Variants in RPTOR observed in about 807,000 individuals in gnomAD.
The protein encoded by RPTOR is regulatory associated protein of MTOR complex 1, also known as regulatory-associated protein of mTOR.
A neutral mutation model predicts 169.9 loss-of-function variants in RPTOR; 21 were observed. The ratio of observed to expected loss-of-function variants is 0.12; its 90% confidence interval spans 0.09 to 0.18. The LOEUF (loss-of-function observed/expected upper bound fraction) is 0.18, where lower values mean the gene tolerates loss of function less well. Among genes scored for constraint, RPTOR ranks in the 10% least tolerant of loss-of-function variants. The pLI is 1.00. For missense variants in RPTOR, 1,133 were observed against 1,855.9 expected, an observed-to-expected ratio of 0.61 and a Z score of 7.16; for synonymous variants, 732 against 753.2, an observed-to-expected ratio of 0.97 and a Z score of 0.46.
At chr17:80,598,523 C>T (rs2065160267) in intron 1 of RPTOR, among the ~76,000 whole-genome samples, 1 of 152,182 alleles carries the variant, frequency 6.6e-6, no homozygotes, top group Non-Finnish European at 1.5e-5. Context: ...AGGTCATCTG[C>T]AGTTTTTTGG....
intron 23 of RPTOR, among the ~76,000 whole-genome samples, chr17:80,925,067 C>T (rs915335850): frequency 2.6e-5 from 4 of 152,164 alleles, no homozygotes; most frequent in Non-Finnish European, 5.9e-5. Context: ...CATGGACGCA[C>T]GTGGCATTGT....
At chr17:80,891,659 G>T in intron 17 of RPTOR, 61 bp from the exon 18 acceptor site, 2 of 1,156,596 alleles carry the variant, frequency 1.7e-6, no homozygotes, top group Non-Finnish European at 1.3e-6. Flanking sequence ...AAGTCTCACT[G>T]CTGCTCCACA....
intron 13 of RPTOR, among the ~76,000 whole-genome samples, chr17:80,870,637 G>A (rs1300065963): frequency 1.3e-5 from 2 of 152,232 alleles, no homozygotes; most frequent in Non-Finnish European, 2.9e-5. Context: ...TGACCCTGCT[G>A]GTCCCACAGC....
chr17:80,707,831 C>G lies in RPTOR; in HGVS notation c.349-10C>G. The G allele has an allele frequency of 1.2e-6, 2 of 1,607,112 alleles. No individual in the cohort carries two copies. Among genetic ancestry groups the G allele is most frequent in the Non-Finnish European group, 1.7e-6 (2 of 1,174,756 alleles). On this transcript the variant is annotated splice_polypyrimidine_tract_variant and intron_variant, in intron 3 of 33. Transcript: ENST00000306801. This position sits in a 1 kb window ranked among gnomAD's most constrained non-coding sequence, Gnocchi z 5.0. ...CGTGGTAAATTTCTTCATTTCTTCT[C>G]CTGCAACAGGCCCGGTACAAGCAGA...
chr17:80,821,573 C>T (rs1468367383), intron 7 of RPTOR, among the ~76,000 whole-genome samples: 1 of 152,126 alleles, frequency 6.6e-6, no homozygotes, highest in Admixed American at 6.5e-5. Context: ...GCAGCCTCAT[C>T]CCCCCGCCCA....
chr17:80,772,468 C>T (rs2066853901), intron 6 of RPTOR, among the ~76,000 whole-genome samples: 2 of 133,792 alleles, frequency 1.5e-5, no homozygotes, highest in African/African-American at 2.8e-5. Context: ...CTTCCTCTCC[C>T]TCCACATGCC....
intron 5 of RPTOR, among the ~76,000 whole-genome samples, chr17:80,732,240 A>G (rs892746674): frequency 6.6e-6 from 1 of 152,348 alleles, no homozygotes; most frequent in Middle Eastern, 3.4e-3. Context: ...TCTACACCAG[A>G]TTTATGGGCT....
At chr17:80,825,302 G>A (rs993045392) in intron 9 of RPTOR, among the ~76,000 whole-genome samples, 4 of 151,870 alleles carry the variant, frequency 2.6e-5, no homozygotes, top group African/African-American at 7.3e-5. Flanking sequence ...CAGAGGCCGC[G>A]TGGCGAGTTC....
chr17:80,704,910 G>A (rs995668534), intron 3 of RPTOR, among the ~76,000 whole-genome samples: 1 of 152,278 alleles, frequency 6.6e-6, no homozygotes, highest in Non-Finnish European at 1.5e-5. Context: ...AAGGGTTCAA[G>A]AAGGAATTTT....
intron 3 of RPTOR, among the ~76,000 whole-genome samples, chr17:80,650,927 G>A (rs1393777352): frequency 6.6e-5 from 10 of 152,086 alleles, no homozygotes. Flanking sequence ...GAGAAGTAGG[G>A]GCTTAACTCT....
intron 6 of RPTOR, among the ~76,000 whole-genome samples, chr17:80,773,648 C>T (rs534653840): frequency 2.6e-5 from 4 of 152,202 alleles, no homozygotes; most frequent in East Asian, 3.9e-4. Context: ...AAGGCAGCCC[C>T]GCAGCCTTGT....
chr17:80,837,977 G>C lies in RPTOR; in HGVS notation c.1192G>C (p.Glu398Gln). Residue 398 changes from glutamate to glutamine, a missense_variant, in exon 10 of 34, where the codon GAG becomes CAG. By Grantham distance (29) the Glu-to-Gln change is conservative. Around this residue, in one of 9 missense-constraint regions of RPTOR, gnomAD observed 289 missense variants for 585.8 expected, o/e 0.49. Coordinates refer to ENST00000306801, the MANE Select transcript of RPTOR (RefSeq NM_020761.3). Reference sequence around the variant, plus strand: ...TCTGTCTCAGCTGCCGACGATCATCGAGGAAGGCACTGCGTTTCGGGTGAG... The same window carrying C: ...TCTGTCTCAGCTGCCGACGATCATCCAGGAAGGCACTGCGTTTCGGGTGAG... ...ICLSQLPTII[E>Q]EGTAFRHSPF... 1 of 1,611,434 alleles carries C rather than the reference G, an allele frequency of 6.2e-7. No individual in the cohort carries two copies. The highest frequency in any genetic ancestry group is 8.5e-7 in the Non-Finnish European group (1 of 1,178,856).
At chr17:80,549,413 G>A (rs992942727) in intron 1 of RPTOR, among the ~76,000 whole-genome samples, 9 of 152,202 alleles carry the variant, frequency 5.9e-5, no homozygotes, top group African/African-American at 1.9e-4. Flanking sequence ...GGGTTCAAGC[G>A]ATTCTCCTGC....
In RPTOR at chr17:80,730,485, T is replaced by A; in HGVS notation, c.508-75T>A. 2 of 1,523,900 alleles carry A rather than the reference T, an allele frequency of 1.3e-6. No homozygotes were observed. Among genetic ancestry groups the A allele is most frequent in the East Asian group, 2.3e-5 (1 of 43,704 alleles). 94.4% of individuals were successfully genotyped at this position (1,523,900 alleles called of 1,614,324 possible). A position where few individuals can be genotyped will look rare whatever the true frequency, so the allele number is the denominator to read the frequency against. On this transcript the variant is annotated intron_variant, in intron 4 of 33. Transcript: ENST00000306801. This position sits in a 1 kb window ranked among gnomAD's most constrained non-coding sequence, Gnocchi z 4.2. ...CCAGGCTCAATGTGTGTGCCTTTTGTAACGGTGCAGTACTCACCAGCAGCC... is the reference window on the plus strand; with the variant it reads ...CCAGGCTCAATGTGTGTGCCTTTTGAAACGGTGCAGTACTCACCAGCAGCC...
chr17:80,680,510 G>A (rs991641315), intron 3 of RPTOR, among the ~76,000 whole-genome samples: 2 of 152,134 alleles, frequency 1.3e-5, no homozygotes, highest in Non-Finnish European at 2.9e-5. Flanking sequence ...GCAGGTGCCT[G>A]TAATTCCAGC....
intron 2 of RPTOR, among the ~76,000 whole-genome samples, chr17:80,641,995 A>G (rs1234555869): frequency 6.6e-6 from 1 of 152,224 alleles, no homozygotes; most frequent in Non-Finnish European, 1.5e-5. Flanking sequence ...TTTCTGGAAA[A>G]TGAATGACAT....
At chr17:80,685,616 TATATATATATA>T (rs1437859239) in intron 3 of RPTOR, among the ~76,000 whole-genome samples, 6 of 22,880 alleles carry the variant, frequency 2.6e-4, no homozygotes, top group Middle Eastern at 0.011. Context: ...TATATATATA[TATATATATATA>T]TTTTTTTTTT....
intron 9 of RPTOR, among the ~76,000 whole-genome samples, chr17:80,831,113 G>A (rs998233534): frequency 2.6e-5 from 4 of 152,170 alleles, no homozygotes; most frequent in Non-Finnish European, 4.4e-5. Context: ...GTGTTGTTCC[G>A]ATGTGTGTTT....
rs2065249089 is a variant in RPTOR at position 80,609,090 on chromosome 17, C to T, written c.163-16601C>T. ...CCATGCTGCAGGTGCCCTAACAGATCCAGGGAAGCATGGAGAGCACAGCGC... is the reference window on the plus strand; with the variant it reads ...CCATGCTGCAGGTGCCCTAACAGATTCAGGGAAGCATGGAGAGCACAGCGC... On this transcript the variant is annotated intron_variant, in intron 1 of 33. Coordinates refer to ENST00000306801, the MANE Select transcript of RPTOR (RefSeq NM_020761.3). This position sits in a 1 kb window ranked among gnomAD's most constrained non-coding sequence, Gnocchi z 4.8. 6.6e-6 allele frequency among the ~76,000 whole-genome samples: 1 copy of T among 152,110 alleles called. No homozygotes were observed. The highest frequency in any genetic ancestry group is 2.1e-4 in the South Asian group (1 of 4,822).
Sources: gnomAD v4.1 joint callset for allele counts (sites outside exome capture counted in the v4.1 genomes callset) on GRCh38, gnomAD v4.1.1 for gene constraint, gnomAD v4.1.1 regional missense constraint, Gnocchi (gnomAD v3.1) non-coding constraint, MANE v1.5 for transcripts, NCBI Gene and HGNC (gene_info 2026-07-23, HGNC 2026-07-21) for gene names.